RP2: variants seen among roughly 807,000 people sequenced by gnomAD.
The protein encoded by RP2 is RP2 activator of ARL3 GTPase.
A neutral mutation model predicts 20.3 loss-of-function variants in RP2; 3 were observed. That is an observed-to-expected ratio of 0.15 (90% CI 0.07 to 0.38). The LOEUF is 0.38. Ranked by LOEUF, RP2 falls within the 10% of genes least tolerant of loss-of-function variation. RP2 has a pLI of 1.00. For missense variants in RP2, 233 were observed against 268.5 expected (o/e 0.87, Z 0.92); for synonymous variants, 75 against 94.8 (o/e 0.79, Z 1.22).
Position 46,859,990 on chromosome X carries a change from G to C in RP2, c.771G>C (p.Met257Ile). ...TCAATGAAATTTTATTTTCACAGAT[G>C]GTTGGTAAAGGCTTTTTCCTAGTTC... is the stretch of plus-strand genomic sequence containing the variant. ...IANARKLIDE[M>I]VGKGFFLVQT... Residue 257 changes from methionine (M) to isoleucine (I), a missense_variant and splice_region_variant, in exon 3 of 5, where the codon ATG becomes ATC. Physicochemically the swap from Met to Ile is conservative, Grantham distance 10. Coordinates refer to ENST00000218340, the MANE Select transcript of RP2 (RefSeq NM_006915.3). 8.4e-7 allele frequency: 1 copy of C among 1,186,665 alleles called. No individual in the cohort carries two copies. Among genetic ancestry groups the C allele is most frequent in the East Asian group, 3.0e-5 (1 of 33,732 alleles).
intron 3 of RP2, among the ~76,000 whole-genome samples, chrX:46,867,010 ATG>A (rs1925183884): frequency 8.9e-6 from 1 of 112,153 alleles, no homozygotes; most frequent in Non-Finnish European, 1.9e-5. Flanking sequence ...ATCATACAAC[ATG>A]TAGCCTTTTG....
intron 3 of RP2, among the ~76,000 whole-genome samples, chrX:46,874,303 G>T (rs1556327339): frequency 9.0e-6 from 1 of 111,392 alleles, no homozygotes; most frequent in East Asian, 2.8e-4. Flanking sequence ...AATAATAAAT[G>T]TCTAACTTAA....
intron 2 of RP2, among the ~76,000 whole-genome samples, chrX:46,857,771 T>C (rs1257862362): frequency 8.9e-6 from 1 of 111,907 alleles, no homozygotes; most frequent in African/African-American, 3.2e-5. Context: ...TATTAAAATA[T>C]AGTTTATTAT....
intron 4 of RP2, among the ~76,000 whole-genome samples, chrX:46,878,947 G>A (rs1925420161): frequency 9.2e-6 from 1 of 108,772 alleles, no homozygotes; most frequent in South Asian, 4.0e-4. Context: ...ATAACAGGCT[G>A]GGTGTGGTGG....
chrX:46,876,485 G>A (rs1265015746), intron 3 of RP2, among the ~76,000 whole-genome samples: 1 of 111,401 alleles, frequency 9.0e-6, no homozygotes, highest in Non-Finnish European at 1.9e-5. Context: ...ATGTGCATAA[G>A]TTATATGCAA....
chrX:46,878,112 C>G (rs1294897453), intron 4 of RP2, among the ~76,000 whole-genome samples: 3 of 110,381 alleles, frequency 2.7e-5, no homozygotes, highest in Non-Finnish European at 5.7e-5. Context: ...CGGTGGCTCA[C>G]GCCTGTAATC....
chrX:46,837,368 G>A (rs1924532457), intron 1 of RP2, among the ~76,000 whole-genome samples, 166 bp downstream of exon 1: 1 of 111,727 alleles, frequency 9.0e-6, no homozygotes, highest in South Asian at 3.7e-4. Context: ...GGGACGTGAA[G>A]TACAGCGCTA....
At chrX:46,850,595 C>T (rs1556317924) in intron 1 of RP2, among the ~76,000 whole-genome samples, 1 of 111,793 alleles carries the variant, frequency 8.9e-6, no homozygotes, top group Admixed American at 9.6e-5. Flanking sequence ...CTCCTACTCC[C>T]TGAAGAATTT....
intron 4 of RP2, among the ~76,000 whole-genome samples, chrX:46,878,836 C>A (rs145514480): frequency 9.0e-6 from 1 of 110,580 alleles, no homozygotes; most frequent in East Asian, 2.8e-4. Context: ...AGAATAGAAC[C>A]CACATCTGCT....
At chrX:46,851,341 T>A (rs782784556) in intron 1 of RP2, among the ~76,000 whole-genome samples, 1 of 111,706 alleles carries the variant, frequency 9.0e-6, no homozygotes, top group Non-Finnish European at 1.9e-5. Flanking sequence ...GCATACTGTT[T>A]AAAAGATTAT....
chrX:46,879,082 A>AAC (rs1556328236), intron 4 of RP2, among the ~76,000 whole-genome samples: 2 of 100,031 alleles, frequency 2.0e-5, no homozygotes, highest in Admixed American at 2.2e-4. Context: ...AAAAAAAAAA[A>AAC]AAAAAAAACT....
At chrX:46,866,510 T>C (rs932315090) in intron 3 of RP2, among the ~76,000 whole-genome samples, 5 of 111,839 alleles carry the variant, frequency 4.5e-5, no homozygotes, top group Non-Finnish European at 9.4e-5. Context: ...TTTATTCACT[T>C]ATTTGTTTAA....
intron 2 of RP2, among the ~76,000 whole-genome samples, chrX:46,855,964 A>G (rs192417440): frequency 1.8e-5 from 2 of 112,019 alleles, no homozygotes; most frequent in African/African-American, 6.5e-5. Flanking sequence ...ACAGAAGCCA[A>G]AGTTTAATTT....
intron 3 of RP2, among the ~76,000 whole-genome samples, chrX:46,869,930 G>A (rs1333397206): frequency 9.0e-6 from 1 of 111,589 alleles, no homozygotes; most frequent in Non-Finnish European, 1.9e-5. Context: ...TTTGTTTAAT[G>A]TGTGTTTAAA....
At chrX:46,869,455 G>A (rs1163321748) in intron 3 of RP2, among the ~76,000 whole-genome samples, 4 of 101,691 alleles carry the variant, frequency 3.9e-5, no homozygotes, top group African/African-American at 7.2e-5. Flanking sequence ...ACGCCACCAC[G>A]CCCGGCTAAT....
In RP2 at chrX:46,837,188, G is replaced by C. The variant is rs377324837; in HGVS notation, c.88G>C (p.Asp30His). 9 of 1,169,116 alleles carry C rather than the reference G, an allele frequency of 7.7e-6. No individual in the cohort carries two copies. Among genetic ancestry groups the C allele is most frequent in the Non-Finnish European group, 1.0e-5 (9 of 873,717 alleles). Reference protein sequence around the residue: ...EEERPKQYSWDQREKVDPKDY... With the variant: ...EEERPKQYSWHQREKVDPKDY... Reference sequence around the variant, plus strand: ...GGAGCGGCCAAAGCAGTACAGCTGGGATCAGCGCGAGAAGGTAATGAAAGT... The same window carrying C: ...GGAGCGGCCAAAGCAGTACAGCTGGCATCAGCGCGAGAAGGTAATGAAAGT... Residue 30 changes from aspartate to histidine, a missense_variant, in exon 1 of 5, where the codon GAT becomes CAT. Physicochemically the swap from Asp to His is moderately conservative, Grantham distance 81 (BLOSUM62 -1). Coordinates refer to ENST00000218340, the MANE Select transcript of RP2 (RefSeq NM_006915.3).
At chrX:46,853,283 T>G (rs1479139576) in intron 1 of RP2, among the ~76,000 whole-genome samples, 193 bp from the exon 2 acceptor site, 1 of 111,637 alleles carries the variant, frequency 9.0e-6, no homozygotes, top group Non-Finnish European at 1.9e-5. Context: ...GTATGTTGAC[T>G]AAGATCATAG....
intron 3 of RP2, among the ~76,000 whole-genome samples, chrX:46,868,400 G>A (rs782215707): frequency 4.5e-5 from 5 of 110,121 alleles, no homozygotes; most frequent in African/African-American, 9.9e-5. Context: ...GGTGTCATGC[G>A]CCTGTAGCCC....
intron 2 of RP2, among the ~76,000 whole-genome samples, chrX:46,859,500 A>G (rs782008106): frequency 1.8e-5 from 2 of 109,859 alleles, no homozygotes; most frequent in East Asian, 2.8e-4. Flanking sequence ...AAAAAAAAAA[A>G]AAAGAAAGAA....
Sources: allele counts gnomAD v4.1 joint callset (sites outside exome capture counted in the v4.1 genomes callset), GRCh38; gene constraint gnomAD v4.1.1; transcripts MANE v1.5; gene names NCBI Gene and HGNC (gene_info 2026-07-23, HGNC 2026-07-21).